Variants in AKAP6 observed in about 807,000 individuals in gnomAD.
AKAP6 encodes A-kinase anchoring protein 6, also known as A-kinase anchor protein 6.
A neutral mutation model predicts 188.5 loss-of-function variants in AKAP6; 58 were observed. The ratio of observed to expected loss-of-function variants is 0.31; its 90% confidence interval spans 0.25 to 0.38. AKAP6 has a LOEUF of 0.38. AKAP6 is among the 10% of genes least tolerant of loss of function. The pLI is 1.00. For missense variants in AKAP6, 2,710 were observed against 2,740.0 expected (o/e 0.99, Z 0.24); for synonymous variants, 989 against 998.6 (o/e 0.99, Z 0.18).
chr14:32,579,781 C>G (rs927477395), intron 5 of AKAP6, among the ~76,000 whole-genome samples: 3 of 152,092 alleles, frequency 2.0e-5, no homozygotes, highest in African/African-American at 7.2e-5. Context: ...TTCTTCTCAA[C>G]CTTCCCATAA....
rs1202212689 is a variant in AKAP6 at position 32,824,257 on chromosome 14, C to G, written c.6444C>G (p.Asp2148Glu). 1 of 1,613,898 alleles carries G rather than the reference C, an allele frequency of 6.2e-7. No homozygotes were observed. The highest frequency in any genetic ancestry group is 8.5e-7 in the Non-Finnish European group (1 of 1,179,944). The change falls in exon 13 of 14, where the codon GAC (aspartate) becomes GAG (glutamate). Residue 2148 changes from aspartate to glutamate, a missense_variant. By Grantham distance (45) the Asp-to-Glu change is conservative. Around this residue, in one of 2 missense-constraint regions of AKAP6, gnomAD observed 2,473 missense variants for 2,426.1 expected, o/e 1.02. Transcript: ENST00000280979. ...ACACCACTGACTCGGGCTTAGATGACAAGGAAGATATTGAATGCTTTTTTG... is the reference window on the plus strand; with the variant it reads ...ACACCACTGACTCGGGCTTAGATGAGAAGGAAGATATTGAATGCTTTTTTG... ...PLDTTDSGLDDKEDIECFFEA... is the reference protein window; with the variant it reads ...PLDTTDSGLDEKEDIECFFEA...
chr14:32,362,107 TC>T (rs1887683459), intron 1 of AKAP6, among the ~76,000 whole-genome samples: 2 of 152,138 alleles, frequency 1.3e-5, no homozygotes, highest in African/African-American at 4.8e-5. Context: ...ACTGAGAGGG[TC>T]CTTGAAGGAT....
intron 1 of AKAP6, among the ~76,000 whole-genome samples, chr14:32,369,332 C>T (rs908258046): frequency 1.9e-4 from 29 of 152,324 alleles, no homozygotes; most frequent in South Asian, 1.7e-3. Flanking sequence ...ACCCAGAAAC[C>T]GGTAACTGTT....
intron 1 of AKAP6, among the ~76,000 whole-genome samples, chr14:32,358,476 C>T (rs955840976): frequency 2.2e-4 from 33 of 152,150 alleles, no homozygotes; most frequent in Admixed American, 3.9e-4. Flanking sequence ...TTTGGATACA[C>T]TTTATTTCCC....
chr14:32,605,855 A>T (rs1159806407), intron 7 of AKAP6, among the ~76,000 whole-genome samples: 2 of 152,214 alleles, frequency 1.3e-5, no homozygotes, highest in Non-Finnish European at 2.9e-5. Context: ...TCTTAGGTTT[A>T]CTTCAGAAGC....
chr14:32,519,785 A>C (rs1300554645), intron 2 of AKAP6, among the ~76,000 whole-genome samples: 1 of 152,194 alleles, frequency 6.6e-6, no homozygotes, highest in African/African-American at 2.4e-5. Context: ...TAGACAGATC[A>C]ACGAGACAGA....
chr14:32,485,772 C>G (rs895636794), intron 2 of AKAP6, among the ~76,000 whole-genome samples: 4 of 152,084 alleles, frequency 2.6e-5, no homozygotes, highest in Admixed American at 6.5e-5. Flanking sequence ...GTTGCCTGTT[C>G]ACTCTGATGA....
At chr14:32,827,779 T>G (rs765384818) in intron 13 of AKAP6, among the ~76,000 whole-genome samples, 80 of 152,244 alleles carry the variant, frequency 5.3e-4, no homozygotes, top group Non-Finnish European at 9.4e-4. Flanking sequence ...CTTTTTGCTG[T>G]ATTCTGACAG....
intron 11 of AKAP6, among the ~76,000 whole-genome samples, chr14:32,756,585 G>A (rs1487469129): frequency 1.3e-5 from 2 of 152,136 alleles, no homozygotes; most frequent in Non-Finnish European, 2.9e-5. Flanking sequence ...TGGGGCTATG[G>A]ATGCTGACCT....
rs1046635736 is a variant in AKAP6 at position 32,829,883 on chromosome 14, T to G, written c.*78T>G. 7.1e-6 allele frequency: 5 copies of G among 702,654 alleles called. No homozygotes were observed. The highest frequency in any genetic ancestry group is 1.3e-5 in the Non-Finnish European group (5 of 384,736). 43.5% of individuals were successfully genotyped at this position (702,654 alleles called of 1,614,324 possible). ...CTGCAACTCAGGGGTGGCCTCATCC[T>G]CCCGCCCTGGGCTGGCCTCTGGTTC... On this transcript the variant is annotated 3_prime_UTR_variant, in exon 14 of 14. Coordinates refer to ENST00000280979, the MANE Select transcript of AKAP6 (RefSeq NM_004274.5).
intron 1 of AKAP6, among the ~76,000 whole-genome samples, chr14:32,424,123 ATTT>A (rs546017738): frequency 1.2e-4 from 19 of 152,046 alleles, no homozygotes; most frequent in Non-Finnish European, 2.8e-4. Context: ...TTCTTATTTC[ATTT>A]TCTTGGTAAG....
chr14:32,756,463 T>G (rs1456507760), intron 11 of AKAP6, among the ~76,000 whole-genome samples: 4 of 152,040 alleles, frequency 2.6e-5, no homozygotes, highest in Non-Finnish European at 5.9e-5. Flanking sequence ...TGGAGTATAT[T>G]AGGGCACACT....
At chr14:32,438,780 C>T (rs1350191653) in intron 2 of AKAP6, 1 of 152,228 alleles carries the variant, frequency 6.6e-6, no homozygotes, top group Non-Finnish European at 1.5e-5. Flanking sequence ...AAAACCAGAT[C>T]AAGAACCTTT....
At chr14:32,461,557 C>T (rs1271471846) in intron 2 of AKAP6, among the ~76,000 whole-genome samples, 1 of 152,090 alleles carries the variant, frequency 6.6e-6, no homozygotes, top group African/African-American at 2.4e-5. Flanking sequence ...GACCCCCACA[C>T]AAAAACTCCA....
rs2034554297 is a variant in AKAP6, at chr14:32,822,492, C to G, written c.4679C>G (p.Ser1560Cys). ...FTGMQNAKQL[S>C]LLSHSSSIES... ...GGCATGCAGAATGCCAAACAGCTCT[C>G]CCTTTTATCTCATAGTTCATCTATT... is the stretch of plus-strand genomic sequence containing the variant. Residue 1560 changes from serine (S) to cysteine (C), a missense_variant, in exon 13 of 14, where the codon TCC becomes TGC. By Grantham distance (112) the Ser-to-Cys change is moderately radical. Transcript: ENST00000280979. 2 of 1,613,926 alleles carry G rather than the reference C, an allele frequency of 1.2e-6. No homozygotes were observed. The highest frequency in any genetic ancestry group is 1.3e-5 in the African/African-American group (1 of 74,920).
chr14:32,726,282 C>T (rs1290441184), intron 9 of AKAP6: 1 of 890,390 alleles, frequency 1.1e-6, no homozygotes, highest in East Asian at 1.2e-4. Context: ...TCTTCTTTTA[C>T]AGTTTGCTCA....
chr14:32,577,455 CTT>C (rs1884779308), intron 5 of AKAP6, among the ~76,000 whole-genome samples: 1 of 152,102 alleles, frequency 6.6e-6, no homozygotes, highest in South Asian at 2.1e-4. Context: ...CTTTTCAAAG[CTT>C]TTCCTGGAAG....
At chr14:32,761,157 C>T (rs554153070) in intron 11 of AKAP6, among the ~76,000 whole-genome samples, 13 of 152,246 alleles carry the variant, frequency 8.5e-5, no homozygotes, top group South Asian at 4.2e-4. Flanking sequence ...TTGCCTCTTC[C>T]GAGTCACAGA....
At chr14:32,680,977 T>G (rs557884339) in intron 8 of AKAP6, among the ~76,000 whole-genome samples, 15 of 152,310 alleles carry the variant, frequency 9.8e-5, no homozygotes, top group African/African-American at 3.4e-4. Flanking sequence ...CATCCCAAAG[T>G]GGAACCATAG....
Sources: gnomAD v4.1 joint callset for allele counts (sites outside exome capture counted in the v4.1 genomes callset) on GRCh38, gnomAD v4.1.1 for gene constraint, gnomAD v4.1.1 regional missense constraint, MANE v1.5 for transcripts, NCBI Gene and HGNC (gene_info 2026-07-23, HGNC 2026-07-21) for gene names.